Variants in GALNT10 observed in about 807,000 individuals in gnomAD.
The protein encoded by GALNT10 is polypeptide N-acetylgalactosaminyltransferase 10.
A neutral mutation model predicts 75.0 loss-of-function variants in GALNT10; 41 were observed. The ratio of observed to expected loss-of-function variants is 0.55; its 90% CI spans 0.43 to 0.71. The LOEUF (loss-of-function observed/expected upper bound fraction) is 0.71, where lower values mean the gene tolerates loss of function less well. GALNT10 is among the 30% of genes least tolerant of loss of function. The pLI, the probability that GALNT10 is intolerant of heterozygous loss-of-function variation, is 0.00. For synonymous variants in GALNT10, 302 were observed against 313.0 expected (o/e 0.96, Z 0.37); for missense variants, 727 against 818.5 (o/e 0.89, Z 1.36).
chr5:154,238,628 A>C (rs997287475), intron 1 of GALNT10, among the ~76,000 whole-genome samples: 1 of 152,156 alleles, frequency 6.6e-6, no homozygotes, highest in African/African-American at 2.4e-5. Context: ...AACTCCAGGG[A>C]AGGCAAGTCC....
At chr5:154,203,809 C>G (rs1315440914) in intron 1 of GALNT10, among the ~76,000 whole-genome samples, 1 of 152,192 alleles carries the variant, frequency 6.6e-6, no homozygotes, top group African/African-American at 2.4e-5. Context: ...CCTGGGCTTC[C>G]TCCTCTTTCG....
At chr5:154,293,448 C>G (rs926249443) in intron 1 of GALNT10, among the ~76,000 whole-genome samples, 2 of 151,950 alleles carry the variant, frequency 1.3e-5, no homozygotes, top group African/African-American at 4.8e-5. Flanking sequence ...GTATCAGGTT[C>G]CTTCTGCTGA....
At chr5:154,231,704 G>C (rs1753152715) in intron 1 of GALNT10, among the ~76,000 whole-genome samples, 1 of 152,126 alleles carries the variant, frequency 6.6e-6, no homozygotes. Flanking sequence ...GCCATTGTGG[G>C]ACAACATCTT....
intron 1 of GALNT10, among the ~76,000 whole-genome samples, chr5:154,218,379 G>A (rs540690842): frequency 6.6e-6 from 1 of 152,138 alleles, no homozygotes; most frequent in Non-Finnish European, 1.5e-5. Flanking sequence ...GCCGTGGAAT[G>A]AATTCCAGCC....
At chr5:154,194,471 G>A (rs1175617076) in intron 1 of GALNT10, among the ~76,000 whole-genome samples, 3 of 152,142 alleles carry the variant, frequency 2.0e-5, no homozygotes, top group African/African-American at 7.2e-5. Context: ...ATGCCACTAG[G>A]GAAGGGTTGT....
intron 1 of GALNT10, among the ~76,000 whole-genome samples, chr5:154,242,440 C>T (rs1753351896): frequency 6.6e-6 from 1 of 152,144 alleles, no homozygotes; most frequent in Admixed American, 6.5e-5. Context: ...TTGTGTCCCT[C>T]GGGCACTTTT....
intron 4 of GALNT10, among the ~76,000 whole-genome samples, chr5:154,362,435 AT>A (rs1561672010): frequency 1.3e-5 from 2 of 152,148 alleles, no homozygotes; most frequent in African/African-American, 4.8e-5. Context: ...AAAAGTAAAA[AT>A]TGCTCACTGC....
intron 7 of GALNT10, among the ~76,000 whole-genome samples, chr5:154,395,803 T>C (rs1756004148): frequency 6.6e-6 from 1 of 152,182 alleles, no homozygotes; most frequent in Admixed American, 6.5e-5. Context: ...ACGCGGTGGC[T>C]CCCAAGGTGT....
intron 5 of GALNT10, among the ~76,000 whole-genome samples, chr5:154,377,751 G>A (rs764210621): frequency 2.0e-5 from 3 of 152,042 alleles, no homozygotes; most frequent in East Asian, 1.9e-4. Flanking sequence ...AAGGGTCTAC[G>A]ATCTCACTGG....
At chr5:154,407,786 G>C (rs557066439) in intron 8 of GALNT10, among the ~76,000 whole-genome samples, 56 of 152,324 alleles carry the variant, frequency 3.7e-4, no homozygotes, top group African/African-American at 1.3e-3. Flanking sequence ...GATAAACACT[G>C]TTCCTGAGCT....
intron 1 of GALNT10, among the ~76,000 whole-genome samples, chr5:154,230,333 A>G (rs1753128755): frequency 6.6e-6 from 1 of 152,148 alleles, no homozygotes; most frequent in African/African-American, 2.4e-5. Context: ...TTTAAAAGAA[A>G]ACCTAAGTTC....
chr5:154,405,246 G>C (rs3776990), intron 8 of GALNT10, among the ~76,000 whole-genome samples: 13,032 of 152,226 alleles, frequency 0.086, 573 homozygotes, highest in African/African-American at 0.099. Context: ...ACCTAGAAGA[G>C]CGTTGTCCTG....
intron 4 of GALNT10, among the ~76,000 whole-genome samples, chr5:154,358,350 A>G (rs768080342): frequency 2.0e-5 from 3 of 152,080 alleles, no homozygotes; most frequent in Admixed American, 2.0e-4. Context: ...AATAATAACA[A>G]TCACCACCAA....
At chr5:154,258,306 G>C (rs1419826362) in intron 1 of GALNT10, among the ~76,000 whole-genome samples, 1 of 152,164 alleles carries the variant, frequency 6.6e-6, no homozygotes, top group Non-Finnish European at 1.5e-5. Context: ...CTATTGTCTT[G>C]AGCAGTTCTC....
At chr5:154,266,533 A>G (rs1753776596) in intron 1 of GALNT10, among the ~76,000 whole-genome samples, 1 of 151,368 alleles carries the variant, frequency 6.6e-6, no homozygotes, top group South Asian at 2.1e-4. Flanking sequence ...TCTTTTCCCA[A>G]CAATCTACAG....
At chr5:154,395,906 C>T (rs749555595) in intron 7 of GALNT10, among the ~76,000 whole-genome samples, 4 of 152,280 alleles carry the variant, frequency 2.6e-5, no homozygotes, top group Non-Finnish European at 1.5e-5. Flanking sequence ...CAGAGGCTGC[C>T]GTGGAGCCCA....
chr5:154,386,232 G>A (rs1755803974), intron 6 of GALNT10, 81 bp from the exon 7 acceptor site: 1 of 993,528 alleles, frequency 1.0e-6, no homozygotes, highest in African/African-American at 1.6e-5. Context: ...ACCGCCGCTG[G>A]GGGAATGGCA....
chr5:154,415,368 C>T (rs751578861), intron 10 of GALNT10, among the ~76,000 whole-genome samples: 3 of 151,890 alleles, frequency 2.0e-5, no homozygotes, highest in Non-Finnish European at 4.4e-5. Context: ...GACAGAGTCT[C>T]ACTCTGTCCC....
chr5:154,396,111 T>A (rs189008912), intron 7 of GALNT10, among the ~76,000 whole-genome samples: 22 of 152,338 alleles, frequency 1.4e-4, no homozygotes, highest in Admixed American at 1.2e-3. Context: ...TTCAAGGCTC[T>A]GTATCTTTGG....
Sources: allele counts gnomAD v4.1 joint callset (sites outside exome capture counted in the v4.1 genomes callset), GRCh38; gene constraint gnomAD v4.1.1; transcripts MANE v1.5; gene names NCBI Gene and HGNC (gene_info 2026-07-23, HGNC 2026-07-21).